Variants in CREBRF observed in about 807,000 individuals in gnomAD.
CREBRF encodes the protein CREB3 regulatory factor.
CREBRF carries 5 observed loss-of-function variants against 66.1 expected under a neutral mutation model. The ratio of observed to expected loss-of-function variants is 0.08; its 90% CI spans 0.04 to 0.16. The LOEUF (loss-of-function observed/expected upper bound fraction) is 0.16. CREBRF is among the 10% of genes least tolerant of loss of function. The probability of loss-of-function intolerance (pLI) is 1.00; values close to 1 mark genes in which losing one functional copy is unlikely to be tolerated. For missense variants in CREBRF, 531 were observed against 744.9 expected, an observed-to-expected ratio of 0.71 and a Z score of 3.34; for synonymous variants, 229 against 264.4, an observed-to-expected ratio of 0.87 and a Z score of 1.30.
intron 1 of CREBRF, among the ~76,000 whole-genome samples, chr5:173,077,188 G>A (rs1009963161): frequency 1.7e-4 from 26 of 151,894 alleles, no homozygotes; most frequent in African/African-American, 5.3e-4. Context: ...CGACTAATTC[G>A]CCTGCCTTGG....
intron 4 of CREBRF, among the ~76,000 whole-genome samples, chr5:173,101,934 T>G (rs1385467264): frequency 6.6e-6 from 1 of 152,240 alleles, no homozygotes; most frequent in Non-Finnish European, 1.5e-5. Flanking sequence ...TTCATTTTGC[T>G]TGATGGTGTC....
rs553871700 is a variant in CREBRF, at chr5:173,091,765, A to G, written c.1222+364A>G. 124 of 997,698 alleles carry G rather than the reference A, an allele frequency of 1.2e-4. 1 individual carries two copies. In the African/African-American group the frequency reaches 1.9e-3, roughly 15 times the overall value. The allele number at this position is 997,698 out of a possible 1,614,324, so 61.8% of individuals were successfully genotyped here. Reference sequence around the variant, plus strand: ...CTCTCTTGAGCATTTATGCAAAGACACCAATAATTTATTGGTTTAAAAAAT... The same window carrying G: ...CTCTCTTGAGCATTTATGCAAAGACGCCAATAATTTATTGGTTTAAAAAAT... On this transcript the variant is annotated intron_variant, in intron 4 of 8. Coordinates refer to ENST00000296953, the MANE Select transcript of CREBRF (RefSeq NM_153607.3).
chr5:173,100,078 TTGTGTG>T (rs749558283), intron 4 of CREBRF, among the ~76,000 whole-genome samples: 24 of 69,144 alleles, frequency 3.5e-4, no homozygotes, highest in East Asian at 1.4e-3. Context: ...GGCTAATCTT[TTGTGTG>T]TGTGTGTGTG....
At chr5:173,111,634 ATATAC>A (rs1758872644) in intron 6 of CREBRF, among the ~76,000 whole-genome samples, 1 of 152,146 alleles carries the variant, frequency 6.6e-6, no homozygotes, top group South Asian at 2.1e-4. Flanking sequence ...TTGGGTGGGG[ATATAC>A]TACAGTTTAT....
At chr5:173,106,815 T>C (rs1280777438) in intron 4 of CREBRF, among the ~76,000 whole-genome samples, 1 of 152,154 alleles carries the variant, frequency 6.6e-6, no homozygotes, top group Non-Finnish European at 1.5e-5. Context: ...AATGGCACGC[T>C]CTTGGCTCAC....
intron 2 of CREBRF, chr5:173,085,280 C>A: frequency 1.5e-6 from 1 of 653,498 alleles, no homozygotes; most frequent in Non-Finnish European, 2.6e-6. Flanking sequence ...GATTTAAACA[C>A]TGCTTTTAGT....
chr5:173,103,954 C>T (rs1758688843), intron 4 of CREBRF, among the ~76,000 whole-genome samples: 1 of 151,970 alleles, frequency 6.6e-6, no homozygotes, highest in African/African-American at 2.4e-5. Flanking sequence ...GATGATCTAT[C>T]ACATGAAAAG....
At chr5:173,107,913 C>A (rs927263625) in intron 4 of CREBRF, among the ~76,000 whole-genome samples, 1 of 148,322 alleles carries the variant, frequency 6.7e-6, no homozygotes, top group Non-Finnish European at 1.5e-5. Context: ...CTCACTGCAA[C>A]ATCCGCCTCC....
chr5:173,111,827 G>A (rs1219469065), intron 6 of CREBRF, among the ~76,000 whole-genome samples: 3 of 152,204 alleles, frequency 2.0e-5, no homozygotes, highest in African/African-American at 7.2e-5. Flanking sequence ...GTAGCTATAT[G>A]TGCTGTTTTA....
chr5:173,109,970 A>G (rs1373648180), intron 5 of CREBRF: 2 of 170,696 alleles, frequency 1.2e-5, no homozygotes, highest in African/African-American at 4.8e-5. Flanking sequence ...TGATAGACCA[A>G]GACCCCTTGA....
At chr5:173,076,104 T>C (rs1271311378) in intron 1 of CREBRF, among the ~76,000 whole-genome samples, 1 of 150,944 alleles carries the variant, frequency 6.6e-6, no homozygotes, top group Non-Finnish European at 1.5e-5. Context: ...GAAAAGAGAT[T>C]TATTTGGCTC....
At chr5:173,101,473 G>A (rs1431209130) in intron 4 of CREBRF, among the ~76,000 whole-genome samples, 1 of 151,792 alleles carries the variant, frequency 6.6e-6, no homozygotes, top group Non-Finnish European at 1.5e-5. Flanking sequence ...TATATGACAA[G>A]TTGCTTTTCT....
intron 3 of CREBRF, among the ~76,000 whole-genome samples, chr5:173,087,435 C>T (rs1049221510): frequency 2.1e-4 from 32 of 151,888 alleles, no homozygotes; most frequent in Non-Finnish European, 2.7e-4. Context: ...TGGTGGCTCA[C>T]GCCTGTAATC....
chr5:173,059,302 TC>T (rs920684676), intron 1 of CREBRF, among the ~76,000 whole-genome samples: 1 of 138,696 alleles, frequency 7.2e-6, no homozygotes, highest in Non-Finnish European at 1.5e-5. Flanking sequence ...TTCGCCCTTG[TC>T]GCCCAGGCTG....
Position 173,112,315 on chromosome 5 carries a change from G to C in CREBRF, c.1617G>C (p.Arg539=). The change falls in exon 7 of 9, where the codon CGG becomes CGC. Residue 539 remains arginine (R), a synonymous_variant. Coordinates refer to ENST00000296953, the MANE Select transcript of CREBRF (RefSeq NM_153607.3). ...CTCCTTCCTTTCACAGAGCTTGTCG[G>C]TTAAAGAAGAAAGCCCAGTATGAAG... ...EKNKLASRAC[R]LKKKAQYEAN... is the part of the protein sequence containing the mutation. The C allele has an allele frequency of 6.3e-7, 1 of 1,596,274 alleles. No individual in the cohort carries two copies. The highest frequency in any genetic ancestry group is 1.1e-5 in the South Asian group (1 of 87,632).
intron 3 of CREBRF, among the ~76,000 whole-genome samples, chr5:173,089,484 T>G (rs951364273): frequency 1.3e-5 from 2 of 151,976 alleles, no homozygotes; most frequent in Non-Finnish European, 2.9e-5. Flanking sequence ...ATTTGTACAT[T>G]AGAGCTATGC....
At chr5:173,094,391 C>T (rs1292491267) in intron 4 of CREBRF, among the ~76,000 whole-genome samples, 1 of 152,196 alleles carries the variant, frequency 6.6e-6, no homozygotes, top group African/African-American at 2.4e-5. Flanking sequence ...TACCAATTTA[C>T]ATTCCCACTA....
chr5:173,078,512 T>G (rs981711092), intron 1 of CREBRF, among the ~76,000 whole-genome samples: 2 of 150,892 alleles, frequency 1.3e-5, no homozygotes, highest in African/African-American at 4.8e-5. Flanking sequence ...CGTAAAATAC[T>G]CTCATTTACA....
rs559070829 is a variant in CREBRF, at chr5:173,086,138, C to T, written c.10-363C>T. 3.7e-4 allele frequency: 294 copies of T among 788,252 alleles called. 2 individuals carry two copies. Among genetic ancestry groups the T allele is most frequent in the South Asian group, 3.7e-3 (274 of 74,740 alleles). The allele number at this position is 788,252 out of a possible 1,614,324, so 48.8% of individuals were successfully genotyped here. On this transcript the variant is annotated intron_variant, in intron 2 of 8. Transcript: ENST00000296953. Reference sequence around the variant, plus strand: ...GTTATTCCGATGGAAATTTGTTTGTCGTGTAGGATATCAGGAGACATGTTT... The same window carrying T: ...GTTATTCCGATGGAAATTTGTTTGTTGTGTAGGATATCAGGAGACATGTTT...
Sources: allele counts gnomAD v4.1 joint callset (sites outside exome capture counted in the v4.1 genomes callset), GRCh38; gene constraint gnomAD v4.1.1; transcripts MANE v1.5; gene names NCBI Gene and HGNC (gene_info 2026-07-23, HGNC 2026-07-21).